Variants in GON4L observed in about 807,000 individuals in gnomAD.
GON4L encodes GON-4-like protein.
In GON4L, 87 loss-of-function variants were observed where a neutral mutation model predicts 211.8. The ratio of observed to expected loss-of-function variants is 0.41; its 90% confidence interval spans 0.35 to 0.49. The LOEUF (loss-of-function observed/expected upper bound fraction) is 0.49, where lower values mean the gene tolerates loss of function less well. Among genes scored for constraint, GON4L ranks in the 20% least tolerant of loss-of-function variants. GON4L has a pLI of 0.15. For missense variants in GON4L, 2,155 were observed against 2,659.5 expected, an observed-to-expected ratio of 0.81 and a Z score of 4.17; for synonymous variants, 875 against 962.6, an observed-to-expected ratio of 0.91 and a Z score of 1.68.
intron 2 of GON4L, among the ~76,000 whole-genome samples, chr1:155,827,411 G>A (rs1190309443): frequency 6.6e-6 from 1 of 152,226 alleles, no homozygotes; most frequent in East Asian, 1.9e-4. Flanking sequence ...GAGCAGAAGA[G>A]TAACTGTCAC....
chr1:155,847,989 G>A (rs1206631417), intron 2 of GON4L, among the ~76,000 whole-genome samples: 2 of 152,120 alleles, frequency 1.3e-5, no homozygotes, highest in Non-Finnish European at 2.9e-5. Context: ...ACCTTATATG[G>A]TTTAAAATGG....
At position 155,853,441 on chromosome 1, in the gene GON4L, G is replaced by C. The variant is rs765250578; in HGVS notation, c.340C>G (p.Leu114Val). Reference protein sequence around the residue: ...TLPSLESFHPLNIHIGKGKLH... With the variant: ...TLPSLESFHPVNIHIGKGKLH... ...TTTCCTTTACCAATGTGTATATTAA[G>C]GGGGTGAAAAGACTCCAAGGAAGGT... Residue 114 changes from leucine to valine, a missense_variant, in exon 2 of 32, where the codon CTT becomes GTT. Physicochemically the swap from Leu to Val is conservative, Grantham distance 32. Around this residue, in one of 6 missense-constraint regions of GON4L, gnomAD observed 313 missense variants for 293.2 expected, o/e 1.07. Coordinates refer to ENST00000368331, the MANE Select transcript of GON4L (RefSeq NM_001282860.2). 1 of 1,614,090 alleles carries C rather than the reference G, an allele frequency of 6.2e-7. No homozygotes were observed.
At chr1:155,790,050 T>G (rs969136943) in intron 12 of GON4L, among the ~76,000 whole-genome samples, 2 of 152,124 alleles carry the variant, frequency 1.3e-5, no homozygotes, top group Non-Finnish European at 2.9e-5. Context: ...GGGATCCTCC[T>G]GACTCTGTCT....
At position 155,853,608 on chromosome 1, in the gene GON4L, C is replaced by G. The variant is rs1672011312; in HGVS notation, c.173G>C (p.Gly58Ala). 1 of 1,614,102 alleles carries G rather than the reference C, an allele frequency of 6.2e-7. No homozygotes were observed. The highest frequency in any genetic ancestry group is 8.5e-7 in the Non-Finnish European group (1 of 1,179,940). ...ATCCTGCAAAGACTGTACTTCGAAG[C>G]CAGCTACTCTGCCATGACTTGGATC... ...SWDPSHGRVA[G>A]FEVQSLQDAG... The change falls in exon 2 of 32, where the codon GGC becomes GCC. Residue 58 changes from glycine (G) to alanine (A), a missense_variant. Around this residue, in one of 6 missense-constraint regions of GON4L, gnomAD observed 313 missense variants for 293.2 expected, o/e 1.07. Coordinates refer to ENST00000368331, the MANE Select transcript of GON4L (RefSeq NM_001282860.2).
chr1:155,793,099 C>T (rs1665761667), intron 12 of GON4L, among the ~76,000 whole-genome samples: 1 of 152,122 alleles, frequency 6.6e-6, no homozygotes, highest in Admixed American at 6.6e-5. Context: ...GTTTCTACGA[C>T]ACTAGATTTT....
At chr1:155,800,987 T>C (rs1666601308) in intron 11 of GON4L, among the ~76,000 whole-genome samples, 1 of 151,802 alleles carries the variant, frequency 6.6e-6, no homozygotes, top group Non-Finnish European at 1.5e-5. Context: ...GACAATGAAT[T>C]TCTCTGAGAT....
At chr1:155,835,873 G>A (rs1185922508) in intron 2 of GON4L, among the ~76,000 whole-genome samples, 1 of 152,170 alleles carries the variant, frequency 6.6e-6, no homozygotes, top group East Asian at 1.9e-4. Flanking sequence ...GTTCACCTGC[G>A]TCATTCCTTG....
At chr1:155,759,204 T>C (rs1363338250) in intron 24 of GON4L, among the ~76,000 whole-genome samples, 1 of 151,356 alleles carries the variant, frequency 6.6e-6, no homozygotes, top group Non-Finnish European at 1.5e-5. Flanking sequence ...TCTTGCTATG[T>C]TGTCCAGGCT....
intron 11 of GON4L, among the ~76,000 whole-genome samples, chr1:155,799,173 G>C (rs1053852296): frequency 1.3e-5 from 2 of 152,158 alleles, no homozygotes; most frequent in African/African-American, 4.8e-5. Context: ...GGTGGCTCAC[G>C]CCTGTAATCC....
chr1:155,768,301 C>G (rs775303896), intron 19 of GON4L, among the ~76,000 whole-genome samples: 5 of 100,852 alleles, frequency 5.0e-5, no homozygotes, highest in Non-Finnish European at 1.0e-4. Flanking sequence ...CACAGTGAGA[C>G]TCCGTCTCAA....
Position 155,766,397 on chromosome 1 carries a change from T to A in GON4L, c.3076A>T (p.Thr1026Ser). 6.2e-7 allele frequency: 1 copy of A among 1,613,998 alleles called. No individual in the cohort carries two copies. Among genetic ancestry groups the A allele is most frequent in the Non-Finnish European group, 8.5e-7 (1 of 1,179,978 alleles). The change falls in exon 21 of 32, where the codon ACT (threonine) becomes TCT (serine). Residue 1026 changes from threonine to serine, a missense_variant. Around this residue, in one of 6 missense-constraint regions of GON4L, gnomAD observed 615 missense variants for 625.7 expected, o/e 0.98. Transcript: ENST00000368331. ...FNPGKTPARS[T>S]HSEAPPSKMV... ...TTGCTCGGAGGGGCTTCTGAATGAGTTGATCGGGCTGGTGTTTTCCCAGGG... is the reference window on the plus strand; with the variant it reads ...TTGCTCGGAGGGGCTTCTGAATGAGATGATCGGGCTGGTGTTTTCCCAGGG...
At chr1:155,827,718 C>G (rs1669349031) in intron 2 of GON4L, among the ~76,000 whole-genome samples, 1 of 150,210 alleles carries the variant, frequency 6.7e-6, no homozygotes, top group Non-Finnish European at 1.5e-5. Context: ...AAGCCAGGTG[C>G]TTATAGTCAT....
At chr1:155,841,845 T>G (rs887304356) in intron 2 of GON4L, among the ~76,000 whole-genome samples, 22 of 151,982 alleles carry the variant, frequency 1.4e-4, no homozygotes, top group African/African-American at 5.3e-4. Context: ...CTGTCCAACA[T>G]GGTGAAACCC....
At chr1:155,855,442 G>A (rs886388284) in intron 1 of GON4L, among the ~76,000 whole-genome samples, 6 of 151,726 alleles carry the variant, frequency 4.0e-5, no homozygotes, top group East Asian at 1.9e-4. Flanking sequence ...CTGCAGCCTC[G>A]ACCTCCTGGG....
At chr1:155,787,505 G>T (rs1448451433) in intron 12 of GON4L, among the ~76,000 whole-genome samples, 2 of 152,204 alleles carry the variant, frequency 1.3e-5, no homozygotes, top group African/African-American at 4.8e-5. Flanking sequence ...ACGGGCAGTG[G>T]CTTACGCCTG....
chr1:155,785,934 A>G (rs898297317), intron 12 of GON4L, among the ~76,000 whole-genome samples: 1 of 152,156 alleles, frequency 6.6e-6, no homozygotes, highest in African/African-American at 2.4e-5. Context: ...GTCTCTATTA[A>G]AAATATAAAA....
intron 12 of GON4L, among the ~76,000 whole-genome samples, chr1:155,791,589 G>A (rs771126874): frequency 6.6e-6 from 1 of 151,576 alleles, no homozygotes; most frequent in Non-Finnish European, 1.5e-5. Flanking sequence ...TAGGAGGCCG[G>A]GCACAGTGCG....
At chr1:155,779,704 G>A (rs188226970) in intron 14 of GON4L, among the ~76,000 whole-genome samples, 2 of 152,296 alleles carry the variant, frequency 1.3e-5, no homozygotes, top group South Asian at 2.1e-4. Context: ...GACATGCTGG[G>A]TTTTTGAATT....
intron 11 of GON4L, among the ~76,000 whole-genome samples, chr1:155,797,292 T>C (rs766285847): frequency 1.2e-4 from 18 of 151,810 alleles, no homozygotes; most frequent in Non-Finnish European, 1.9e-4. Flanking sequence ...TTTTTATATT[T>C]TTAGTAGAGA....
Sources: gnomAD v4.1 joint callset for allele counts (sites outside exome capture counted in the v4.1 genomes callset) on GRCh38, gnomAD v4.1.1 for gene constraint, gnomAD v4.1.1 regional missense constraint, MANE v1.5 for transcripts, NCBI Gene and HGNC (gene_info 2026-07-23, HGNC 2026-07-21) for gene names.